Variants in DLGAP1 observed in about 807,000 individuals in gnomAD.
The protein encoded by DLGAP1 is DLG associated protein 1.
DLGAP1 carries 11 observed loss-of-function variants against 90.8 expected under a neutral mutation model. The ratio of observed to expected loss-of-function variants is 0.12; its 90% CI spans 0.08 to 0.20. DLGAP1 has a LOEUF of 0.20. Ranked by LOEUF, DLGAP1 falls within the 10% of genes least tolerant of loss-of-function variation. The pLI is 1.00. For synonymous variants in DLGAP1, 558 were observed against 540.7 expected (o/e 1.03, Z -0.44); for missense variants, 1,050 against 1,333.8 (o/e 0.79, Z 3.31).
intron 9 of DLGAP1, among the ~76,000 whole-genome samples, chr18:3,536,239 T>TC (rs981805121): frequency 1.4e-5 from 2 of 139,842 alleles, no homozygotes; most frequent in Admixed American, 7.5e-5. Flanking sequence ...TTTTTTTTTT[T>TC]CTGAGACAGA....
intron 4 of DLGAP1, among the ~76,000 whole-genome samples, chr18:3,851,437 T>G (rs758252520): frequency 1.3e-5 from 2 of 152,174 alleles, no homozygotes; most frequent in African/African-American, 2.4e-5. Context: ...TGGATCATAT[T>G]ATGAAGAAAC....
intron 1 of DLGAP1, among the ~76,000 whole-genome samples, chr18:4,218,593 CT>C (rs1568456822): frequency 1.3e-5 from 2 of 151,800 alleles, no homozygotes; most frequent in South Asian, 4.2e-4. Context: ...AATTTTATAC[CT>C]TTTGACCAAC....
At chr18:4,333,712 C>G (rs1038913558) in intron 1 of DLGAP1, among the ~76,000 whole-genome samples, 1 of 149,080 alleles carries the variant, frequency 6.7e-6, no homozygotes, top group Non-Finnish European at 1.5e-5. Flanking sequence ...CTCCACCTCC[C>G]GGGTTCACAC....
chr18:4,306,424 AGAGTGT>A, intron 1 of DLGAP1, among the ~76,000 whole-genome samples: 1 of 73,770 alleles, frequency 1.4e-5, no homozygotes, highest in Non-Finnish European at 2.9e-5. Flanking sequence ...AGAGAAAGTA[AGAGTGT>A]GTGTGTGTGT....
At chr18:3,793,977 G>A (rs1598770959) in intron 5 of DLGAP1, among the ~76,000 whole-genome samples, 1 of 152,186 alleles carries the variant, frequency 6.6e-6, no homozygotes, top group Admixed American at 6.5e-5. Context: ...AAGGGCAGGG[G>A]CTACTGCCTG....
intron 9 of DLGAP1, among the ~76,000 whole-genome samples, chr18:3,559,874 G>A (rs971278675): frequency 2.0e-5 from 3 of 151,424 alleles, no homozygotes; most frequent in Admixed American, 1.3e-4. Flanking sequence ...ACCTGCCTCG[G>A]CCTCCCAAAG....
chr18:4,239,027 G>C (rs1376284001), intron 1 of DLGAP1, among the ~76,000 whole-genome samples: 1 of 152,210 alleles, frequency 6.6e-6, no homozygotes, highest in East Asian at 1.9e-4. Context: ...TCACTGAGTA[G>C]GCAATAGTCA....
At chr18:4,193,380 C>T (rs1160904443) in intron 1 of DLGAP1, among the ~76,000 whole-genome samples, 1 of 152,140 alleles carries the variant, frequency 6.6e-6, no homozygotes, top group Non-Finnish European at 1.5e-5. Context: ...TATGACACTT[C>T]TGCAATTTGT....
At chr18:3,558,192 C>T (rs1490197120) in intron 9 of DLGAP1, among the ~76,000 whole-genome samples, 2 of 152,064 alleles carry the variant, frequency 1.3e-5, no homozygotes, top group Admixed American at 1.3e-4. Context: ...ACATCTTTTT[C>T]TCCTTGCAGT....
intron 7 of DLGAP1, among the ~76,000 whole-genome samples, chr18:3,630,170 C>T (rs2058472627): frequency 1.3e-5 from 2 of 152,108 alleles, no homozygotes; most frequent in Admixed American, 6.5e-5. Flanking sequence ...CAGCAGATTG[C>T]TCTCCCCAGT....
intron 2 of DLGAP1, among the ~76,000 whole-genome samples, chr18:4,102,701 T>C (rs1031581350): frequency 1.5e-4 from 23 of 152,188 alleles, no homozygotes; most frequent in African/African-American, 5.3e-4. Context: ...GGAGCTAATA[T>C]GAATTAGGTT....
intron 1 of DLGAP1, among the ~76,000 whole-genome samples, chr18:4,177,634 T>A (rs1047781935): frequency 2.6e-5 from 4 of 152,148 alleles, no homozygotes; most frequent in Non-Finnish European, 5.9e-5. Context: ...CACCCTCATG[T>A]AGGCCCTGGT....
At chr18:4,312,498 A>G (rs1440304936) in intron 1 of DLGAP1, among the ~76,000 whole-genome samples, 1 of 152,174 alleles carries the variant, frequency 6.6e-6, no homozygotes, top group East Asian at 1.9e-4. Context: ...CAATAATTCA[A>G]CTTATAATTT....
At chr18:4,348,888 T>C (rs1441824769) in intron 1 of DLGAP1, among the ~76,000 whole-genome samples, 1 of 152,146 alleles carries the variant, frequency 6.6e-6, no homozygotes, top group African/African-American at 2.4e-5. Flanking sequence ...ACAAAATCCT[T>C]AGAATGAAAT....
At chr18:3,874,867 T>C (rs1378519052) in intron 4 of DLGAP1, 5 of 985,918 alleles carry the variant, frequency 5.1e-6, no homozygotes, top group Non-Finnish European at 6.9e-6. Context: ...CACTTATCAC[T>C]CATAATACAA....
chr18:4,206,886 G>GA (rs1052021694), intron 1 of DLGAP1, among the ~76,000 whole-genome samples: 7 of 152,176 alleles, frequency 4.6e-5, no homozygotes, highest in African/African-American at 1.4e-4. Context: ...AGGAAGACAT[G>GA]AAGCTGAGAG....
chr18:3,890,102 C>A (rs1467312527), intron 3 of DLGAP1, among the ~76,000 whole-genome samples: 1 of 152,216 alleles, frequency 6.6e-6, no homozygotes, highest in Non-Finnish European at 1.5e-5. Context: ...CAGTGGGTAA[C>A]TGCAAGCATA....
At chr18:3,920,678 C>T (rs2072251104) in intron 3 of DLGAP1, among the ~76,000 whole-genome samples, 1 of 152,278 alleles carries the variant, frequency 6.6e-6, no homozygotes, top group Non-Finnish European at 1.5e-5. Flanking sequence ...CACTCCGCTC[C>T]ACCCAAGGAT....
At chr18:3,870,417 T>G (rs1424296021) in intron 4 of DLGAP1, among the ~76,000 whole-genome samples, 1 of 152,198 alleles carries the variant, frequency 6.6e-6, no homozygotes. Context: ...TCCTTTCCAA[T>G]CACTTACTTT....
Sources: allele counts gnomAD v4.1 joint callset (sites outside exome capture counted in the v4.1 genomes callset), GRCh38; gene constraint gnomAD v4.1.1; transcripts MANE v1.5; gene names NCBI Gene and HGNC (gene_info 2026-07-23, HGNC 2026-07-21).